The following ADAMTS16 variants were observed in gnomAD, a reference collection of about 807,000 sequenced individuals.
ADAMTS16 encodes the protein ADAM metallopeptidase with thrombospondin type 1 motif 16.
ADAMTS16 carries 94 observed loss-of-function variants against 145.8 expected under a neutral mutation model. The ratio of observed to expected loss-of-function variants is 0.64; its 90% CI spans 0.55 to 0.77. The LOEUF (loss-of-function observed/expected upper bound fraction) is 0.77. ADAMTS16 is among the 30% of genes least tolerant of loss of function. The pLI, the probability that ADAMTS16 is intolerant of heterozygous loss-of-function variation, is 0.00. For missense variants in ADAMTS16, 1,585 were observed against 1,591.5 expected, an observed-to-expected ratio of 1.00 and a Z score of 0.07; for synonymous variants, 659 against 604.3, an observed-to-expected ratio of 1.09 and a Z score of -1.33.
intron 3 of ADAMTS16, among the ~76,000 whole-genome samples, chr5:5,168,482 TA>T (rs996898515): frequency 1.3e-4 from 18 of 143,878 alleles, no homozygotes; most frequent in South Asian, 2.1e-4. Context: ...TACTTTTAAT[TA>T]AAAAAAAGCA....
intron 9 of ADAMTS16, among the ~76,000 whole-genome samples, chr5:5,206,047 CTA>C (rs1340205191): frequency 6.6e-6 from 1 of 152,130 alleles, no homozygotes; most frequent in African/African-American, 2.4e-5. Context: ...AGATTTTCTC[CTA>C]TGTTATTTTC....
At chr5:5,287,681 G>C (rs973894819) in intron 18 of ADAMTS16, among the ~76,000 whole-genome samples, 1 of 152,268 alleles carries the variant, frequency 6.6e-6, no homozygotes, top group South Asian at 2.1e-4. Flanking sequence ...TTTCACGGAC[G>C]GTGTCAGCTT....
At chr5:5,174,055 C>G (rs1431362829) in intron 3 of ADAMTS16, among the ~76,000 whole-genome samples, 1 of 152,190 alleles carries the variant, frequency 6.6e-6, no homozygotes, top group Non-Finnish European at 1.5e-5. Context: ...TCTACCTTCA[C>G]ATGATTTTTC....
intron 18 of ADAMTS16, among the ~76,000 whole-genome samples, chr5:5,266,429 C>T (rs867726850): frequency 7.2e-5 from 11 of 152,350 alleles, no homozygotes; most frequent in African/African-American, 1.4e-4. Context: ...GCAAAAGCAA[C>T]GGCAGAGTGG....
intron 3 of ADAMTS16, among the ~76,000 whole-genome samples, chr5:5,150,736 G>T (rs1394820399): frequency 6.6e-6 from 1 of 152,194 alleles, no homozygotes; most frequent in Non-Finnish European, 1.5e-5. Context: ...AAAATGGGGA[G>T]GACTCAGTTG....
chr5:5,239,385 C>T (rs889546344), intron 15 of ADAMTS16, 111 bp downstream of exon 15: 13 of 1,429,772 alleles, frequency 9.1e-6, no homozygotes, highest in Admixed American at 2.5e-5. Context: ...TCCGCTGCCT[C>T]GCTTCCTGCC....
At position 5,293,888 on chromosome 5, in the gene ADAMTS16, T is replaced by C. The variant is rs980261928; in HGVS notation, c.2790-9380T>C. The stretch of plus-strand genomic sequence containing the variant: ...TTGCCAACACAGCCCATCTTTACTC[T>C]AACAGCTGAGGGGCCCTTTCCTGGG... On this transcript the variant is annotated intron_variant, in intron 18 of 22. Transcript: ENST00000274181. Among the ~76,000 whole-genome samples, 5 of 152,156 alleles carry C rather than the reference T, an allele frequency of 3.3e-5. 1 individual carries two copies. The highest frequency in any genetic ancestry group is 5.9e-5 in the Non-Finnish European group (4 of 68,028).
At chr5:5,189,544 C>G (rs1444612904) in intron 6 of ADAMTS16, among the ~76,000 whole-genome samples, 1 of 152,200 alleles carries the variant, frequency 6.6e-6, no homozygotes, top group Non-Finnish European at 1.5e-5. Context: ...GGAAATCCCA[C>G]TTGCTTAACT....
chr5:5,247,169 T>C (rs898214556), intron 17 of ADAMTS16, among the ~76,000 whole-genome samples: 1 of 152,172 alleles, frequency 6.6e-6, no homozygotes, highest in Non-Finnish European at 1.5e-5. Context: ...ATGTTCTGAA[T>C]CCCAGAGTGG....
At chr5:5,201,793 T>C (rs887963006) in intron 9 of ADAMTS16, among the ~76,000 whole-genome samples, 4 of 152,164 alleles carry the variant, frequency 2.6e-5, no homozygotes, top group Non-Finnish European at 5.9e-5. Flanking sequence ...AGGAACTAGT[T>C]ATTCCAAACT....
At chr5:5,288,187 G>C (rs182656418) in intron 18 of ADAMTS16, among the ~76,000 whole-genome samples, 3 of 152,134 alleles carry the variant, frequency 2.0e-5, no homozygotes, top group Non-Finnish European at 2.9e-5. Context: ...AGAAAACGAA[G>C]AGCCGAAGAA....
chr5:5,300,348 T>C (rs1035054572), intron 18 of ADAMTS16, among the ~76,000 whole-genome samples: 1 of 152,060 alleles, frequency 6.6e-6, no homozygotes, highest in Non-Finnish European at 1.5e-5. Flanking sequence ...CAATTTTTCA[T>C]AATGAGGATG....
rs1428158088 is a variant in ADAMTS16 at position 5,228,718 on chromosome 5, A to G, written c.1702-3650A>G. Among the ~76,000 whole-genome samples the G allele has an allele frequency of 2.0e-5, 3 of 152,316 alleles. No individual in the cohort carries two copies. In the East Asian group the frequency reaches 5.8e-4, roughly 29 times the overall value. On this transcript the variant is annotated intron_variant, in intron 11 of 22. Coordinates refer to ENST00000274181, the MANE Select transcript of ADAMTS16 (RefSeq NM_139056.4). ...CCTCTTCAAAGAGACTTTTCTCCCC[A>G]TCTAATTAGGAATAAATACTAACTT...
chr5:5,313,832 G>A (rs889490993), intron 21 of ADAMTS16, among the ~76,000 whole-genome samples: 2 of 152,228 alleles, frequency 1.3e-5, no homozygotes, highest in African/African-American at 4.8e-5. Flanking sequence ...GATGAGGCTG[G>A]GTGAACGCTG....
rs183250490 is a variant in ADAMTS16 at position 5,228,244 on chromosome 5, G to C, written c.1702-4124G>C. 4.0e-3 allele frequency among the ~76,000 whole-genome samples: 612 copies of C among 152,246 alleles called. 2 individuals carry two copies. Among genetic ancestry groups the C allele is most frequent in the African/African-American group, 0.011 (458 of 41,548 alleles). ...AGACTTTAAACTCCAGTATTAGACT[G>C]TACATTCCAAGTGGGATAGATTCAG... On this transcript the variant is annotated intron_variant, in intron 11 of 22. Coordinates refer to ENST00000274181, the MANE Select transcript of ADAMTS16 (RefSeq NM_139056.4).
chr5:5,262,908 G>C, intron 18 of ADAMTS16, 125 bp downstream of exon 18: 1 of 1,399,012 alleles, frequency 7.1e-7, no homozygotes, highest in African/African-American at 1.4e-5. Context: ...CAGTGGAGAA[G>C]CAAAGGGGAC....
intron 10 of ADAMTS16, among the ~76,000 whole-genome samples, chr5:5,218,413 G>A (rs1179981425): frequency 6.6e-6 from 1 of 152,156 alleles, no homozygotes; most frequent in Non-Finnish European, 1.5e-5. Context: ...AGACAGGCAG[G>A]TACAGAGACT....
intron 18 of ADAMTS16, among the ~76,000 whole-genome samples, chr5:5,264,893 C>T (rs573644516): frequency 2.0e-5 from 3 of 152,324 alleles, no homozygotes; most frequent in Admixed American, 6.5e-5. Context: ...TGGACACACA[C>T]GACGATGCTC....
Position 5,306,606 on chromosome 5 carries a change from C to G in ADAMTS16, c.3289C>G (p.His1097Asp). The change falls in exon 21 of 23, where the codon CAT (histidine) becomes GAT (aspartate). Residue 1097 changes from histidine (H) to aspartate (D), a missense_variant. Coordinates refer to ENST00000274181, the MANE Select transcript of ADAMTS16 (RefSeq NM_139056.4). ...AGAGCTGGCCTCAAAGAAGTGCTCACATTTGCCGAAGCCCAGCCTGGAGCT... is the reference window on the plus strand; with the variant it reads ...AGAGCTGGCCTCAAAGAAGTGCTCAGATTTGCCGAAGCCCAGCCTGGAGCT... ...YRELASKKCSHLPKPSLELER... is the reference protein window; with the variant it reads ...YRELASKKCSDLPKPSLELER... 6.2e-7 allele frequency: 1 copy of G among 1,614,196 alleles called. No individual in the cohort carries two copies. The highest frequency in any genetic ancestry group is 8.5e-7 in the Non-Finnish European group (1 of 1,180,040).
Sources: allele counts gnomAD v4.1 joint callset (sites outside exome capture counted in the v4.1 genomes callset), GRCh38; gene constraint gnomAD v4.1.1; transcripts MANE v1.5; gene names NCBI Gene and HGNC (gene_info 2026-07-23, HGNC 2026-07-21).